The following PCDHAC2 variants were observed in gnomAD, a reference collection of about 807,000 sequenced individuals.
PCDHAC2 encodes protocadherin alpha-C2.
PCDHAC2 carries 24 observed loss-of-function variants against 63.3 expected under a neutral mutation model. The ratio of observed to expected loss-of-function variants is 0.38; its 90% CI spans 0.27 to 0.53. The LOEUF is 0.53. Among genes scored for constraint, PCDHAC2 ranks in the 20% least tolerant of loss-of-function variants. The pLI is 0.81. For synonymous variants in PCDHAC2, 569 were observed against 529.4 expected (o/e 1.07, Z -1.03); for missense variants, 1,181 against 1,275.2 (o/e 0.93, Z 1.12).
chr5:140,971,236 G>A (rs1384010579), intron 1 of PCDHAC2, among the ~76,000 whole-genome samples: 2 of 152,088 alleles, frequency 1.3e-5, no homozygotes, highest in East Asian at 3.9e-4. Flanking sequence ...AAAGCTTGGG[G>A]CAATTTGATA....
Position 141,009,759 on chromosome 5 carries a change from GATCTCCTGCAATCATCTCC to G in PCDHAC2, c.2850_2868del (p.Pro951GlyfsTer15). 6.2e-7 allele frequency: 1 copy of G among 1,614,082 alleles called. No individual in the cohort carries two copies. The highest frequency in any genetic ancestry group is 8.5e-7 in the Non-Finnish European group (1 of 1,180,014). On this transcript the variant is annotated frameshift_variant, in exon 4 of 4. Transcript: ENST00000289269. LOFTEE classifies it high-confidence loss of function. Reference sequence around the variant, plus strand: ...TTGCCCGACAAATTCATTATCCCAGGATCTCCTGCAATCATCTCCATCCGGCAGGAGCCTACTAACAGCC... The same window carrying G: ...TTGCCCGACAAATTCATTATCCCAGGATCCGGCAGGAGCCTACTAACAGCC...
chr5:140,968,946 GCAT>G lies in PCDHAC2; in HGVS notation c.2186_2188del (p.Ile729del). ...TTTCTTTTGACAATCATCATTTTGA[GCAT>G]CATCAAGTGCTACCGCTACACTGCG... On this transcript the variant is annotated inframe_deletion, in exon 1 of 4. Transcript: ENST00000289269. The G allele has an allele frequency of 2.5e-6, 4 of 1,614,172 alleles. No homozygotes were observed. Among genetic ancestry groups the G allele is most frequent in the Non-Finnish European group, 3.4e-6 (4 of 1,180,036 alleles).
At chr5:140,985,847 C>T (rs1178290779) in intron 3 of PCDHAC2, among the ~76,000 whole-genome samples, 4 of 150,300 alleles carry the variant, frequency 2.7e-5, no homozygotes, top group African/African-American at 7.3e-5. Context: ...TCATGCCACT[C>T]TCCTGCCTCA....
At chr5:140,981,342 G>A (rs2096927846) in intron 2 of PCDHAC2, among the ~76,000 whole-genome samples, 1 of 152,176 alleles carries the variant, frequency 6.6e-6, no homozygotes, top group African/African-American at 2.4e-5. Flanking sequence ...GGGAGGGTGA[G>A]GCAGGTGGAT....
intron 3 of PCDHAC2, among the ~76,000 whole-genome samples, chr5:140,983,660 A>G (rs1460631508): frequency 6.6e-6 from 1 of 152,244 alleles, no homozygotes; most frequent in African/African-American, 2.4e-5. Context: ...TAAGTGGCAG[A>G]GGGTAGGATT....
chr5:140,993,071 G>A (rs1301535845), intron 3 of PCDHAC2, among the ~76,000 whole-genome samples: 9 of 152,222 alleles, frequency 5.9e-5, no homozygotes, highest in African/African-American at 2.2e-4. Flanking sequence ...TGTTCCTGCA[G>A]TCTGCAATCA....
At position 140,966,755 on chromosome 5, in the gene PCDHAC2, C is replaced by T. The variant is rs1554228616; in HGVS notation, c.-12C>T. ...CGGCCCTGCCCGGCTGCCTCCGCCG[C>T]GGCCAGTGGCTATGGAGCAGGCGGG... is the stretch of plus-strand genomic sequence containing the variant. On this transcript the variant is annotated 5_prime_UTR_variant, in exon 1 of 4. Transcript: ENST00000289269. 1 of 1,434,520 alleles carries T rather than the reference C, an allele frequency of 7.0e-7. No homozygotes were observed. Among genetic ancestry groups the T allele is most frequent in the Admixed American group, 2.7e-5 (1 of 37,512 alleles). 88.9% of individuals were successfully genotyped at this position (1,434,520 alleles called of 1,614,324 possible). A position where few individuals can be genotyped will look rare whatever the true frequency, so the allele number is the denominator to read the frequency against.
chr5:140,966,616 G>A lies in PCDHAC2; in HGVS notation c.-151G>A. The A allele has an allele frequency of 1.3e-6, 1 of 788,372 alleles. No homozygotes were observed. Among genetic ancestry groups the A allele is most frequent in the South Asian group, 2.7e-5 (1 of 36,944 alleles). The allele number at this position is 788,372 out of a possible 1,614,324, so 48.8% of individuals were successfully genotyped here. A position where few individuals can be genotyped will look rare whatever the true frequency, so the allele number is the denominator to read the frequency against. On this transcript the variant is annotated 5_prime_UTR_variant, in exon 1 of 4. Transcript: ENST00000289269. ...CCAGGAGCCCTTGGGAGGGCCTACGGAGGGAGCGGCCCCAGGCGCTTTCTA... is the reference window on the plus strand; with the variant it reads ...CCAGGAGCCCTTGGGAGGGCCTACGAAGGGAGCGGCCCCAGGCGCTTTCTA...
At chr5:140,982,159 G>A (rs1466298378) in intron 2 of PCDHAC2, among the ~76,000 whole-genome samples, 1 of 152,262 alleles carries the variant, frequency 6.6e-6, no homozygotes, top group African/African-American at 2.4e-5. Flanking sequence ...GTATCGAGAT[G>A]TTAAAATGGC....
chr5:140,986,947 C>T (rs983987541), intron 3 of PCDHAC2, among the ~76,000 whole-genome samples: 1 of 152,160 alleles, frequency 6.6e-6, no homozygotes, highest in African/African-American at 2.4e-5. Context: ...GGTGTGGTCG[C>T]TCATGCCTGT....
At position 140,968,612 on chromosome 5, in the gene PCDHAC2, C is replaced by A. The variant is rs782101758; in HGVS notation, c.1846C>A (p.Gln616Lys). The change falls in exon 1 of 4, where the codon CAA becomes AAA. Residue 616 changes from glutamine to lysine, a missense_variant. Transcript: ENST00000289269. ...CATAGCTATGGACTCAGACTCTGGG[C>A]AAAATGCTTGGCTTTTTTACCATCT... is the stretch of plus-strand genomic sequence containing the variant. ...KVIAMDSDSG[Q>K]NAWLFYHLAQ... The A allele has an allele frequency of 1.2e-6, 2 of 1,614,204 alleles. No homozygotes were observed. The highest frequency in any genetic ancestry group is 2.2e-5 in the East Asian group (1 of 44,872).
intron 3 of PCDHAC2, among the ~76,000 whole-genome samples, chr5:141,007,166 A>C (rs548434277): frequency 3.3e-5 from 5 of 152,294 alleles, no homozygotes; most frequent in Admixed American, 6.5e-5. Context: ...GAACAGTCAG[A>C]GAGAAAGGTC....
In PCDHAC2 at chr5:140,967,613, G is replaced by C; in HGVS notation, c.847G>C (p.Asp283His). 6.2e-7 allele frequency: 1 copy of C among 1,614,182 alleles called. No homozygotes were observed. Among genetic ancestry groups the C allele is most frequent in the Non-Finnish European group, 8.5e-7 (1 of 1,180,036 alleles). Residue 283 changes from aspartate to histidine, a missense_variant, in exon 1 of 4, where the codon GAC becomes CAC. Around this residue, in one of 3 missense-constraint regions of PCDHAC2, gnomAD observed 968 missense variants for 1,073.5 expected, o/e 0.90. Coordinates refer to ENST00000289269, the MANE Select transcript of PCDHAC2 (RefSeq NM_018899.6). ...ATTGGTGGTGAAGCTGAATGCCTCAGACCCGGATGAGGGCTCCAATGGTGA... is the reference window on the plus strand; with the variant it reads ...ATTGGTGGTGAAGCTGAATGCCTCACACCCGGATGAGGGCTCCAATGGTGA... ...GTLVVKLNAS[D>H]PDEGSNGELR... is the part of the protein sequence containing the mutation.
intron 1 of PCDHAC2, 52 bp from the exon 2 acceptor site, chr5:140,978,897 G>T: frequency 6.2e-7 from 1 of 1,612,776 alleles, no homozygotes; most frequent in Non-Finnish European, 8.5e-7. Context: ...AGCATTCCTG[G>T]GAGAACATTG....
intron 2 of PCDHAC2, among the ~76,000 whole-genome samples, chr5:140,979,611 C>T (rs549836811): frequency 5.9e-5 from 9 of 152,266 alleles, no homozygotes; most frequent in South Asian, 2.1e-4. Flanking sequence ...CCTAGAGTAA[C>T]GGTATTAGTC....
chr5:140,975,126 A>G (rs1334807357), intron 1 of PCDHAC2, among the ~76,000 whole-genome samples: 6 of 152,074 alleles, frequency 3.9e-5, no homozygotes, highest in Admixed American at 2.6e-4. Flanking sequence ...CCTACTTACT[A>G]TTGGCCTGGG....
intron 3 of PCDHAC2, among the ~76,000 whole-genome samples, chr5:140,989,670 C>T (rs907417768): frequency 6.6e-6 from 1 of 152,104 alleles, no homozygotes; most frequent in African/African-American, 2.4e-5. Flanking sequence ...GAAACTCTGC[C>T]CAGATTTCAA....
intron 3 of PCDHAC2, among the ~76,000 whole-genome samples, chr5:140,997,722 C>G (rs2097782886): frequency 6.6e-6 from 1 of 151,372 alleles, no homozygotes; most frequent in South Asian, 2.1e-4. Context: ...CTTTCTACGT[C>G]AGTACATATA....
chr5:140,979,076 C>T, intron 2 of PCDHAC2, 69 bp downstream of exon 2: 1 of 1,584,068 alleles, frequency 6.3e-7, no homozygotes, highest in Non-Finnish European at 8.6e-7. Flanking sequence ...AACTGCATCT[C>T]CATAGGCCAG....
Sources: allele counts gnomAD v4.1 joint callset (sites outside exome capture counted in the v4.1 genomes callset), GRCh38; gene constraint gnomAD v4.1.1; regional missense constraint gnomAD v4.1.1; transcripts MANE v1.5; gene names NCBI Gene and HGNC (gene_info 2026-07-23, HGNC 2026-07-21).